The following ZMAT2 variants were observed in gnomAD, a reference collection of about 807,000 sequenced individuals.
ZMAT2 encodes the protein zinc finger matrin-type 2.
ZMAT2 carries 5 observed loss-of-function variants against 27.5 expected under a neutral mutation model. The ratio of observed to expected loss-of-function variants is 0.18; its 90% confidence interval spans 0.10 to 0.38. ZMAT2 has a LOEUF of 0.38. Among genes scored for constraint, ZMAT2 ranks in the 10% least tolerant of loss-of-function variants. ZMAT2 has a pLI of 1.00. For missense variants in ZMAT2, 124 were observed against 243.9 expected, an observed-to-expected ratio of 0.51 and a Z score of 3.27; for synonymous variants, 76 against 78.6, an observed-to-expected ratio of 0.97 and a Z score of 0.17.
Position 140,702,192 on chromosome 5 carries a change from T to C in ZMAT2, c.236+63T>C. ...GCATCTAATAAGCCACCTATTTTGGTTTTAGGAAGTGTTAAGGAAGGTCCT... is the reference window on the plus strand; with the variant it reads ...GCATCTAATAAGCCACCTATTTTGGCTTTAGGAAGTGTTAAGGAAGGTCCT... On this transcript the variant is annotated intron_variant, in intron 3 of 5. Coordinates refer to ENST00000274712, the MANE Select transcript of ZMAT2 (RefSeq NM_144723.3). The C allele has an allele frequency of 3.1e-6, 5 of 1,591,406 alleles. No individual in the cohort carries two copies. In the South Asian group the frequency reaches 3.4e-5, roughly 11 times the overall value.
intron 3 of ZMAT2, among the ~76,000 whole-genome samples, chr5:140,703,019 C>T (rs1336029088): frequency 1.3e-5 from 2 of 152,174 alleles, no homozygotes; most frequent in East Asian, 1.9e-4. Context: ...ACACCACTCA[C>T]AGTTTCTTTG....
chr5:140,702,281 C>A, intron 3 of ZMAT2, 152 bp downstream of exon 3: 1 of 1,066,116 alleles, frequency 9.4e-7, no homozygotes, highest in Admixed American at 2.6e-5. Flanking sequence ...TCTGTGTCTC[C>A]CAAGGTCTCA....
chr5:140,703,823 T>A, intron 3 of ZMAT2, 95 bp from the exon 4 acceptor site: 1 of 1,178,004 alleles, frequency 8.5e-7, no homozygotes, highest in Non-Finnish European at 1.3e-6. Context: ...TTAACACTTC[T>A]AAAAAGAAGT....
Position 140,701,006 on chromosome 5 carries a change from G to A in ZMAT2, c.112+94G>A, listed in dbSNP as rs181753141. The stretch of plus-strand genomic sequence containing the variant: ...GTTGAAGTGCGCTGCCTTCCCACGC[G>A]GTGTAAGCTCTGGCAGAGTGCTGCT... On this transcript the variant is annotated intron_variant, in intron 2 of 5. Coordinates refer to ENST00000274712, the MANE Select transcript of ZMAT2 (RefSeq NM_144723.3). 4.5e-4 allele frequency: 563 copies of A among 1,255,966 alleles called. 8 individuals carry two copies. In the East Asian group the frequency reaches 0.013, roughly 30 times the overall value. 77.8% of individuals were successfully genotyped at this position (1,255,966 alleles called of 1,614,324 possible).
chr5:140,705,592 C>T lies in ZMAT2; in HGVS notation c.457-21C>T, dbSNP rs750441751. 24 of 1,600,352 alleles carry T rather than the reference C, an allele frequency of 1.5e-5. 1 individual carries two copies. The Admixed American group carries it at 4.0e-4, about 27-fold the overall frequency. On this transcript the variant is annotated intron_variant, in intron 5 of 5. Coordinates refer to ENST00000274712, the MANE Select transcript of ZMAT2 (RefSeq NM_144723.3). The stretch of plus-strand genomic sequence containing the variant: ...TTTGGCTGAGGAGTCTAAACTGATT[C>T]TGAGTGATTTTTCCCTCCAGGAGGA...
chr5:140,704,296 G>A, intron 4 of ZMAT2, 130 bp from the exon 5 acceptor site: 2 of 1,300,222 alleles, frequency 1.5e-6, no homozygotes, highest in South Asian at 1.5e-5. Flanking sequence ...AGCTGGCCAA[G>A]GGAGTTTCTT....
At position 140,702,143 on chromosome 5, in the gene ZMAT2, C is replaced by T; in HGVS notation, c.236+14C>T. The T allele has an allele frequency of 6.2e-7, 1 of 1,609,132 alleles. No individual in the cohort carries two copies. The highest frequency in any genetic ancestry group is 8.5e-7 in the Non-Finnish European group (1 of 1,177,654). On this transcript the variant is annotated intron_variant, in intron 3 of 5. Transcript: ENST00000274712. ...TGAGATGGGAGGGTGAGTTGCTTAT[C>T]ATTTTTCCTCTGCAGCCAAGAATGC... is the stretch of plus-strand genomic sequence containing the variant.
Position 140,705,910 on chromosome 5 carries a change from ACTTTG to A in ZMAT2, c.*155_*159del. On this transcript the variant is annotated 3_prime_UTR_variant, in exon 6 of 6. Transcript: ENST00000274712. Reference sequence around the variant, plus strand: ...GGGTGGGGGCTCATGGTTTCCCTCTACTTTGGGAGAGGGCACAGATTGCAGAGGTA... The same window carrying A: ...GGGTGGGGGCTCATGGTTTCCCTCTAGGAGAGGGCACAGATTGCAGAGGTA... 2 of 977,976 alleles carry A rather than the reference ACTTTG, an allele frequency of 2.0e-6. No individual in the cohort carries two copies. Among genetic ancestry groups the A allele is most frequent in the Non-Finnish European group, 2.9e-6 (2 of 688,396 alleles). 60.6% of individuals were successfully genotyped at this position (977,976 alleles called of 1,614,324 possible).
rs770608481 is a variant in ZMAT2, at chr5:140,704,416, C to T, written c.311-10C>T. 16 of 1,611,708 alleles carry T rather than the reference C, an allele frequency of 9.9e-6. No individual in the cohort carries two copies. The highest frequency in any genetic ancestry group is 8.5e-7 in the Non-Finnish European group (1 of 1,178,962). Reference sequence around the variant, plus strand: ...ATGAACTTGCCTTCTTCACTGTTGACCCTATGCAGATCAGAGAAACCTGGG... The same window carrying T: ...ATGAACTTGCCTTCTTCACTGTTGATCCTATGCAGATCAGAGAAACCTGGG... On this transcript the variant is annotated splice_polypyrimidine_tract_variant and intron_variant, in intron 4 of 5. Transcript: ENST00000274712.
Position 140,700,668 on chromosome 5 carries a change from G to C in ZMAT2, c.19-151G>C, listed in dbSNP as rs190187205. On this transcript the variant is annotated intron_variant, in intron 1 of 5. Coordinates refer to ENST00000274712, the MANE Select transcript of ZMAT2 (RefSeq NM_144723.3). ...GAATCGCGGAGGTTTCTCGGGTTGGGGTCTTGAGGCTACCTCAGTCTTCTC... is the reference window on the plus strand; with the variant it reads ...GAATCGCGGAGGTTTCTCGGGTTGGCGTCTTGAGGCTACCTCAGTCTTCTC... 3.0e-5 allele frequency: 39 copies of C among 1,281,030 alleles called. No individual in the cohort carries two copies. In the African/African-American group the frequency reaches 4.3e-4, roughly 14 times the overall value. The allele number at this position is 1,281,030 out of a possible 1,614,324, so 79.4% of individuals were successfully genotyped here.
intron 1 of ZMAT2, 29 bp from the exon 2 acceptor site, chr5:140,700,790 C>G (rs967421023): frequency 3.1e-6 from 5 of 1,611,212 alleles, no homozygotes; most frequent in Non-Finnish European, 3.4e-6. Flanking sequence ...GACACGGCGA[C>G]GGATCTTGAC....
At chr5:140,701,705 A>G (rs1032467953) in intron 2 of ZMAT2, among the ~76,000 whole-genome samples, 4 of 152,160 alleles carry the variant, frequency 2.6e-5, no homozygotes, top group African/African-American at 9.7e-5. Flanking sequence ...CGTTTTGAAA[A>G]AGTTGCTTCT....
At chr5:140,704,088 C>T in intron 4 of ZMAT2, 97 bp downstream of exon 4, 1 of 1,141,770 alleles carries the variant, frequency 8.8e-7, no homozygotes, top group Non-Finnish European at 1.3e-6. Flanking sequence ...TTTTACTCAT[C>T]AAAAGATGGC....
At chr5:140,702,851 T>C (rs1204424749) in intron 3 of ZMAT2, among the ~76,000 whole-genome samples, 1 of 152,250 alleles carries the variant, frequency 6.6e-6, no homozygotes, top group African/African-American at 2.4e-5. Flanking sequence ...ACTGCTTCTC[T>C]GTCCAGTTAG....
rs1224337286 is a variant in ZMAT2, at chr5:140,706,581, C to T, written c.*825C>T. 1 of 152,652 alleles carries T rather than the reference C, an allele frequency of 6.6e-6. No individual in the cohort carries two copies. Among genetic ancestry groups the T allele is most frequent in the African/African-American group, 2.4e-5 (1 of 41,446 alleles). 9.5% of individuals were successfully genotyped at this position (152,652 alleles called of 1,614,324 possible). ...GAAAATGAAAAACAAAACAAAAAATCCCCAAAACCTTATTATGGGAGCCCG... is the reference window on the plus strand; with the variant it reads ...GAAAATGAAAAACAAAACAAAAAATTCCCAAAACCTTATTATGGGAGCCCG... On this transcript the variant is annotated 3_prime_UTR_variant, in exon 6 of 6. Coordinates refer to ENST00000274712, the MANE Select transcript of ZMAT2 (RefSeq NM_144723.3).
Position 140,705,828 on chromosome 5 carries a change from G to A in ZMAT2, c.*72G>A, listed in dbSNP as rs1282802554. 5 of 1,552,790 alleles carry A rather than the reference G, an allele frequency of 3.2e-6. No individual in the cohort carries two copies. The South Asian group carries it at 3.5e-5, about 11-fold the overall frequency. On this transcript the variant is annotated 3_prime_UTR_variant, in exon 6 of 6. Coordinates refer to ENST00000274712, the MANE Select transcript of ZMAT2 (RefSeq NM_144723.3). ...TGCGTGTGTGTGTGTGTAGTAGGGG[G>A]TCATTTCTTTTTGGGTAATGGGAAA...
intron 5 of ZMAT2, 104 bp downstream of exon 5, chr5:140,704,675 G>T (rs1329946307): frequency 7.2e-6 from 9 of 1,256,946 alleles, no homozygotes; most frequent in Non-Finnish European, 9.9e-6. Flanking sequence ...CCCCAGAGTT[G>T]TATCTCCTGA....
rs1760056865 is a variant in ZMAT2, at chr5:140,706,359, G to A, written c.*603G>A. The A allele has an allele frequency of 6.5e-6, 1 of 152,850 alleles. No individual in the cohort carries two copies. The highest frequency in any genetic ancestry group is 1.5e-5 in the Non-Finnish European group (1 of 68,160). 9.5% of individuals were successfully genotyped at this position (152,850 alleles called of 1,614,324 possible). A position where few individuals can be genotyped will look rare whatever the true frequency, so the allele number is the denominator to read the frequency against. The stretch of plus-strand genomic sequence containing the variant: ...AATCCTAGAGCATTGCTGCCCTGGG[G>A]CCTGATGTTCTTGGCTTCCTCAGAG... On this transcript the variant is annotated 3_prime_UTR_variant, in exon 6 of 6. Transcript: ENST00000274712.
chr5:140,703,476 C>T (rs996010448), intron 3 of ZMAT2, among the ~76,000 whole-genome samples: 20 of 152,112 alleles, frequency 1.3e-4, no homozygotes, highest in African/African-American at 3.4e-4. Flanking sequence ...TCAGGTGATC[C>T]GCCCGCCTCG....
Sources: gnomAD v4.1 joint callset for allele counts (sites outside exome capture counted in the v4.1 genomes callset) on GRCh38, gnomAD v4.1.1 for gene constraint, MANE v1.5 for transcripts, NCBI Gene and HGNC (gene_info 2026-07-23, HGNC 2026-07-21) for gene names.